Variants in PHF14 observed in about 807,000 individuals in gnomAD.
PHF14 encodes the protein PHD finger protein 14.
Under a neutral mutation model 117.9 loss-of-function variants are expected in PHF14, and 55 were observed. The ratio of observed to expected loss-of-function variants is 0.47; its 90% CI spans 0.38 to 0.58. The LOEUF (loss-of-function observed/expected upper bound fraction) is 0.58. Among genes scored for constraint, PHF14 ranks in the 20% least tolerant of loss-of-function variants. The pLI is 0.00. For missense variants in PHF14, 978 were observed against 1,122.2 expected (o/e 0.87, Z 1.84); for synonymous variants, 409 against 368.6 (o/e 1.11, Z -1.26).
intron 17 of PHF14, among the ~76,000 whole-genome samples, chr7:11,140,342 T>C (rs771101671): frequency 1.3e-5 from 2 of 149,722 alleles, no homozygotes; most frequent in Non-Finnish European, 2.9e-5. Flanking sequence ...TTAAAACAAA[T>C]GTTCACAGCT....
chr7:11,083,445 G>A (rs968314557), intron 16 of PHF14, among the ~76,000 whole-genome samples: 7 of 148,204 alleles, frequency 4.7e-5, no homozygotes, highest in African/African-American at 1.5e-4. Context: ...TTGCCACATA[G>A]AAATATTCTG....
At chr7:10,994,405 C>T (rs1055834645) in intron 4 of PHF14, among the ~76,000 whole-genome samples, 1 of 152,180 alleles carries the variant, frequency 6.6e-6, no homozygotes, top group Admixed American at 6.5e-5. Context: ...AGCCACTGCA[C>T]TCCAGTCTGG....
At chr7:11,135,457 GT>G (rs1788192633) in intron 17 of PHF14, among the ~76,000 whole-genome samples, 1 of 151,972 alleles carries the variant, frequency 6.6e-6, no homozygotes, top group African/African-American at 2.4e-5. Context: ...CATCTATTGT[GT>G]TTTTCATTTC....
At chr7:11,020,348 C>G (rs1783692560) in intron 5 of PHF14, among the ~76,000 whole-genome samples, 1 of 152,122 alleles carries the variant, frequency 6.6e-6, no homozygotes, top group Non-Finnish European at 1.5e-5. Flanking sequence ...CCTCAGCCTT[C>G]CAAACTGTTA....
intron 16 of PHF14, among the ~76,000 whole-genome samples, chr7:11,079,364 T>C (rs952564193): frequency 6.6e-6 from 1 of 152,142 alleles, no homozygotes; most frequent in Non-Finnish European, 1.5e-5. Context: ...AATCACCACA[T>C]TGTGGTTTCC....
chr7:10,987,839 A>C (rs1196911870), intron 3 of PHF14, among the ~76,000 whole-genome samples: 8 of 151,994 alleles, frequency 5.3e-5, no homozygotes, highest in Non-Finnish European at 1.0e-4. Context: ...AGTGTGCTTA[A>C]ACTTGTGTTT....
intron 17 of PHF14, among the ~76,000 whole-genome samples, chr7:11,118,536 G>A (rs959125504): frequency 6.6e-6 from 1 of 151,676 alleles, no homozygotes; most frequent in African/African-American, 2.4e-5. Flanking sequence ...AAAAAAATTA[G>A]AGTGTTTTAT....
At chr7:10,984,725 G>C (rs1449248836) in intron 3 of PHF14, among the ~76,000 whole-genome samples, 1 of 152,170 alleles carries the variant, frequency 6.6e-6, no homozygotes, top group Non-Finnish European at 1.5e-5. Context: ...CGTAAAGTGT[G>C]TGTAGTATCT....
intron 16 of PHF14, among the ~76,000 whole-genome samples, chr7:11,082,092 C>T (rs754408331): frequency 3.3e-5 from 5 of 151,966 alleles, no homozygotes; most frequent in African/African-American, 7.3e-5. Flanking sequence ...GCTTGTAATC[C>T]CAGCACTTTG....
At chr7:11,028,932 C>T (rs1784022914) in intron 7 of PHF14, 114 bp downstream of exon 7, 1 of 882,942 alleles carries the variant, frequency 1.1e-6, no homozygotes, top group Admixed American at 3.2e-5. Flanking sequence ...TCTTAAAGTT[C>T]TTGCCAAGAT....
intron 2 of PHF14, among the ~76,000 whole-genome samples, chr7:10,976,177 AACTG>A (rs1179542343): frequency 3.3e-5 from 5 of 152,184 alleles, no homozygotes; most frequent in African/African-American, 4.8e-5. Context: ...CTTAAACAGA[AACTG>A]ACTATTTGGT....
chr7:11,015,345 T>G (rs1174201303), intron 5 of PHF14: 1 of 152,172 alleles, frequency 6.6e-6, no homozygotes, highest in African/African-American at 2.4e-5. Flanking sequence ...ATCCCATGTG[T>G]TGATGTTCAG....
intron 16 of PHF14, chr7:11,109,957 C>CTT (rs1334902909): frequency 6.6e-6 from 1 of 151,838 alleles, no homozygotes; most frequent in Non-Finnish European, 1.5e-5. Flanking sequence ...AATGCATAAA[C>CTT]TTAGGACATT....
chr7:11,090,817 A>G (rs751699438), intron 16 of PHF14, among the ~76,000 whole-genome samples: 10 of 152,348 alleles, frequency 6.6e-5, no homozygotes, highest in East Asian at 1.9e-4. Context: ...GATCATTCCT[A>G]AAAGGATAAA....
intron 17 of PHF14, among the ~76,000 whole-genome samples, chr7:11,113,661 C>G (rs183541002): frequency 1.6e-4 from 24 of 152,224 alleles, no homozygotes; most frequent in Admixed American, 8.5e-4. Flanking sequence ...GCTGAAACTT[C>G]CGGAGACTTA....
At chr7:11,094,154 T>C (rs1167438558) in intron 16 of PHF14, among the ~76,000 whole-genome samples, 2 of 152,196 alleles carry the variant, frequency 1.3e-5, no homozygotes, top group African/African-American at 4.8e-5. Context: ...CCAAATTGTC[T>C]GAATCTTTTT....
At position 10,974,258 on chromosome 7, in the gene PHF14, G is replaced by A. The variant is rs1246566853; in HGVS notation, c.-66G>A. The A allele has an allele frequency of 1.8e-5, 27 of 1,465,280 alleles. No individual in the cohort carries two copies. Among genetic ancestry groups the A allele is most frequent in the Non-Finnish European group, 2.5e-5 (27 of 1,066,734 alleles). The allele number at this position is 1,465,280 out of a possible 1,614,324, so 90.8% of individuals were successfully genotyped here. On this transcript the variant is annotated 5_prime_UTR_variant, in exon 1 of 18. Coordinates refer to ENST00000634607, the MANE Select transcript of PHF14 (RefSeq NM_001007157.2). Reference sequence around the variant, plus strand: ...CTTCGCGGCCCCAGTCCCCGACCTCGGCGCTGCCTGGGCTCCTGCAGCCTC... The same window carrying A: ...CTTCGCGGCCCCAGTCCCCGACCTCAGCGCTGCCTGGGCTCCTGCAGCCTC...
intron 12 of PHF14, among the ~76,000 whole-genome samples, 199 bp downstream of exon 12, chr7:11,040,974 C>T (rs1233302639): frequency 6.6e-6 from 1 of 151,902 alleles, no homozygotes; most frequent in African/African-American, 2.4e-5. Flanking sequence ...TTAACCTAAA[C>T]TCTATGGAAA....
At chr7:11,034,798 C>A (rs1784258439) in intron 7 of PHF14, among the ~76,000 whole-genome samples, 1 of 151,956 alleles carries the variant, frequency 6.6e-6, no homozygotes, top group East Asian at 1.9e-4. Context: ...ATCTGCTTGC[C>A]TCGGTCTCCC....
Sources: allele counts gnomAD v4.1 joint callset (sites outside exome capture counted in the v4.1 genomes callset), GRCh38; gene constraint gnomAD v4.1.1; transcripts MANE v1.5; gene names NCBI Gene and HGNC (gene_info 2026-07-23, HGNC 2026-07-21).